Variants in CBX3 observed in about 807,000 individuals in gnomAD.
The protein encoded by CBX3 is chromobox protein homolog 3.
CBX3 carries 5 observed loss-of-function variants against 22.6 expected under a neutral mutation model. That is an observed-to-expected ratio of 0.22 (90% CI 0.12 to 0.47). The LOEUF is 0.47. Among genes scored for constraint, CBX3 ranks in the 20% least tolerant of loss-of-function variants. The pLI is 0.99. For missense variants in CBX3, 83 were observed against 208.1 expected, an observed-to-expected ratio of 0.40 and a Z score of 3.70; for synonymous variants, 50 against 66.6, an observed-to-expected ratio of 0.75 and a Z score of 1.21.
At chr7:26,207,415 C>T (rs1049117000) in intron 3 of CBX3, among the ~76,000 whole-genome samples, 6 of 152,180 alleles carry the variant, frequency 3.9e-5, no homozygotes, top group Non-Finnish European at 7.3e-5. Context: ...CCCATCAAAA[C>T]ATTAGGAAAT....
At chr7:26,205,219 CCT>C (rs1320568348) in intron 2 of CBX3, among the ~76,000 whole-genome samples, 17 of 152,246 alleles carry the variant, frequency 1.1e-4, no homozygotes, top group Admixed American at 7.8e-4. Context: ...CATTTTTAGT[CCT>C]CTCATAGGAA....
At chr7:26,206,302 G>T in intron 2 of CBX3, 66 bp from the exon 3 acceptor site, 7 of 1,059,220 alleles carry the variant, frequency 6.6e-6, no homozygotes, top group Non-Finnish European at 9.7e-6. Context: ...ATAAGCAATT[G>T]AGCCTTGAAA....
intron 4 of CBX3, among the ~76,000 whole-genome samples, chr7:26,210,775 CAT>C (rs1784787147): frequency 1.3e-5 from 2 of 152,092 alleles, no homozygotes; most frequent in Admixed American, 6.5e-5. Flanking sequence ...AGATATTCAA[CAT>C]GTGTCTTAAG....
chr7:26,205,744 T>G (rs1403357350), intron 2 of CBX3, among the ~76,000 whole-genome samples: 2 of 152,208 alleles, frequency 1.3e-5, no homozygotes, highest in Non-Finnish European at 2.9e-5. Flanking sequence ...TGCATAGTTG[T>G]TTGTTGCAGT....
chr7:26,202,884 T>G lies in CBX3; in HGVS notation c.-28-87T>G, dbSNP rs184151588. The G allele has an allele frequency of 1.7e-4, 134 of 800,846 alleles. 1 individual carries two copies. The East Asian group carries it at 3.1e-3, about 19-fold the overall frequency. The allele number at this position is 800,846 out of a possible 1,614,324, so 49.6% of individuals were successfully genotyped here. ...CACGTTTGAAATGTGCGCTCTCTAC[T>G]TGGGGGTTGGAATCCAAACAGAATT... On this transcript the variant is annotated intron_variant, in intron 1 of 5. Transcript: ENST00000396386.
intron 4 of CBX3, among the ~76,000 whole-genome samples, 183 bp from the exon 5 acceptor site, chr7:26,211,479 T>G (rs1363058003): frequency 1.3e-5 from 2 of 152,202 alleles, no homozygotes; most frequent in Non-Finnish European, 2.9e-5. Flanking sequence ...TATTCTACGT[T>G]GAGTATCAAA....
intron 4 of CBX3, among the ~76,000 whole-genome samples, chr7:26,209,629 T>C (rs964693118): frequency 4.6e-5 from 7 of 152,212 alleles, no homozygotes; most frequent in South Asian, 2.1e-4. Flanking sequence ...TTAAACACTT[T>C]TCTTGGCATG....
chr7:26,205,622 G>A (rs1784658186), intron 2 of CBX3, among the ~76,000 whole-genome samples: 1 of 152,086 alleles, frequency 6.6e-6, no homozygotes, highest in Non-Finnish European at 1.5e-5. Context: ...TATTTGAATT[G>A]AGAAGGGGGC....
intron 4 of CBX3, chr7:26,210,119 A>C (rs73281562): frequency 0.03 from 4,564 of 152,072 alleles, 79 homozygotes; most frequent in Middle Eastern, 0.054. Context: ...GTGAGACCCC[A>C]TCTCTACAAA....
chr7:26,207,670 C>G lies in CBX3; in HGVS notation c.168-723C>G, dbSNP rs565879825. 2.0e-5 allele frequency among the ~76,000 whole-genome samples: 3 copies of G among 152,124 alleles called. No individual in the cohort carries two copies. In the South Asian group the frequency reaches 6.2e-4, roughly 32 times the overall value. ...AGTAGCTGGGACTACAGGCGCCTGC[C>G]ACTATGCCCGGCTAATTTTTGTATT... On this transcript the variant is annotated intron_variant, in intron 3 of 5. Transcript: ENST00000396386.
At chr7:26,203,204 T>C (rs532376553) in intron 2 of CBX3, among the ~76,000 whole-genome samples, 182 bp downstream of exon 2, 1 of 152,340 alleles carries the variant, frequency 6.6e-6, no homozygotes, top group South Asian at 2.1e-4. Context: ...CTGGCTTGGC[T>C]TAATAGTGTC....
intron 2 of CBX3, among the ~76,000 whole-genome samples, chr7:26,204,050 T>A (rs535080177): frequency 6.6e-6 from 1 of 152,328 alleles, no homozygotes; most frequent in South Asian, 2.1e-4. Flanking sequence ...TTCATTAGTG[T>A]TGTGAGATAT....
intron 4 of CBX3, among the ~76,000 whole-genome samples, chr7:26,209,210 C>G (rs373278198): frequency 1.3e-5 from 2 of 152,062 alleles, no homozygotes; most frequent in Non-Finnish European, 2.9e-5. Flanking sequence ...CCAAGCCCAC[C>G]TTTGACGACT....
chr7:26,208,773 C>G (rs550917113), intron 4 of CBX3, among the ~76,000 whole-genome samples: 1 of 152,022 alleles, frequency 6.6e-6, no homozygotes, highest in African/African-American at 2.4e-5. Context: ...GTGCCCACCA[C>G]CACGCCCAGC....
At chr7:26,202,949 T>C (rs1225207113) in intron 1 of CBX3, 22 bp from the exon 2 acceptor site, 8 of 1,497,218 alleles carry the variant, frequency 5.3e-6, no homozygotes, top group Non-Finnish European at 6.5e-6. Flanking sequence ...AAACTTACCT[T>C]AACTGTCATG....
rs777095115 is a variant in CBX3, at chr7:26,202,987, C to T, written c.-12C>T. 12 of 1,605,902 alleles carry T rather than the reference C, an allele frequency of 7.5e-6. No homozygotes were observed. In the Admixed American group the frequency reaches 1.7e-4, roughly 22 times the overall value. Reference sequence around the variant, plus strand: ...TTTTTCTAGTAATAGCTCTTCAAGTCTGCAATAAAAAATGGCCTCCAACAA... The same window carrying T: ...TTTTTCTAGTAATAGCTCTTCAAGTTTGCAATAAAAAATGGCCTCCAACAA... On this transcript the variant is annotated 5_prime_UTR_variant, in exon 2 of 6. Transcript: ENST00000396386.
chr7:26,202,667 TG>T (rs1240120341), intron 1 of CBX3: 4 of 319,858 alleles, frequency 1.3e-5, no homozygotes, highest in African/African-American at 8.8e-5. Context: ...CCTTTAAAAA[TG>T]GAACATGGAC....
rs997980631 is a variant in CBX3 at position 26,212,886 on chromosome 7, A to T, written c.*678A>T. 6.6e-6 allele frequency: 1 copy of T among 152,292 alleles called. No individual in the cohort carries two copies. The highest frequency in any genetic ancestry group is 2.4e-5 in the African/African-American group (1 of 41,482). 9.4% of individuals were successfully genotyped at this position (152,292 alleles called of 1,614,324 possible). On this transcript the variant is annotated 3_prime_UTR_variant, in exon 6 of 6. Coordinates refer to ENST00000396386, the MANE Select transcript of CBX3 (RefSeq NM_016587.4). ...TAAAAGGAAAAATTTTATCACTGCC[A>T]TCACAGCAGGTTTCCTCATCCAGAT...
rs1042589781 is a variant in CBX3 at position 26,213,401 on chromosome 7, T to C, written c.*1193T>C. 2.7e-5 allele frequency: 4 copies of C among 150,608 alleles called. No homozygotes were observed. Among genetic ancestry groups the C allele is most frequent in the African/African-American group, 9.8e-5 (4 of 40,980 alleles). 9.3% of individuals were successfully genotyped at this position (150,608 alleles called of 1,614,324 possible). Reference sequence around the variant, plus strand: ...ATTTGATATGCCTTTACAGTAGAAATAGAAATGCCCACACTCATTGGATTA... The same window carrying C: ...ATTTGATATGCCTTTACAGTAGAAACAGAAATGCCCACACTCATTGGATTA... On this transcript the variant is annotated 3_prime_UTR_variant, in exon 6 of 6. Coordinates refer to ENST00000396386, the MANE Select transcript of CBX3 (RefSeq NM_016587.4).
Sources: allele counts gnomAD v4.1 joint callset (sites outside exome capture counted in the v4.1 genomes callset), GRCh38; gene constraint gnomAD v4.1.1; transcripts MANE v1.5; gene names NCBI Gene and HGNC (gene_info 2026-07-23, HGNC 2026-07-21).